Variants in STT3B observed in about 807,000 individuals in gnomAD.
The protein encoded by STT3B is dolichyl-diphosphooligosaccharide--protein glycosyltransferase subunit STT3B.
Under a neutral mutation model 96.8 loss-of-function variants are expected in STT3B, and 29 were observed. The ratio of observed to expected loss-of-function variants is 0.30; its 90% CI spans 0.22 to 0.41. The LOEUF is 0.41. Among genes scored for constraint, STT3B ranks in the 10% least tolerant of loss-of-function variants. The pLI is 1.00. For synonymous variants in STT3B, 367 were observed against 360.0 expected (o/e 1.02, Z -0.22); for missense variants, 640 against 1,022.3 (o/e 0.63, Z 5.10).
chr3:31,536,913 T>C (rs982129775), intron 1 of STT3B, among the ~76,000 whole-genome samples: 5 of 152,262 alleles, frequency 3.3e-5, no homozygotes, highest in African/African-American at 1.2e-4. Flanking sequence ...TTTTACTTTA[T>C]ATTAGCCAGA....
intron 3 of STT3B, among the ~76,000 whole-genome samples, chr3:31,585,571 G>GT (rs1021947370): frequency 5.4e-5 from 8 of 147,120 alleles, no homozygotes; most frequent in Non-Finnish European, 1.0e-4. Context: ...GTTTTGTTTT[G>GT]TTTTTTGTTT....
chr3:31,577,381 T>G (rs887848170), intron 2 of STT3B, among the ~76,000 whole-genome samples: 3 of 152,132 alleles, frequency 2.0e-5, no homozygotes, highest in African/African-American at 7.2e-5. Context: ...ATGTGTAGTA[T>G]TTTCATTATC....
intron 14 of STT3B, among the ~76,000 whole-genome samples, chr3:31,629,724 C>T (rs1043339286): frequency 1.3e-5 from 2 of 152,186 alleles, no homozygotes; most frequent in Admixed American, 1.3e-4. Flanking sequence ...GTTCTCCTAG[C>T]TAGGAAACAG....
Position 31,543,323 on chromosome 3 carries a change from T to C in STT3B, c.314+10011T>C, listed in dbSNP as rs189900001. ...TGCCAAAGTTGGTAAGGTACTGTTA[T>C]GATTATTTAAATTTTGGTGCTCATT... On this transcript the variant is annotated intron_variant, in intron 1 of 15. Coordinates refer to ENST00000295770, the MANE Select transcript of STT3B (RefSeq NM_178862.3). Among the ~76,000 whole-genome samples the C allele has an allele frequency of 4.6e-5, 7 of 152,336 alleles. No homozygotes were observed. In the South Asian group the frequency reaches 8.3e-4, roughly 18 times the overall value.
rs1699475233 is a variant in STT3B, at chr3:31,623,655, A to G, written c.1540-19A>G. 4 of 1,567,406 alleles carry G rather than the reference A, an allele frequency of 2.6e-6. No individual in the cohort carries two copies. Among genetic ancestry groups the G allele is most frequent in the African/African-American group, 1.4e-5 (1 of 73,260 alleles). ...GTCAAATAATGAATTTGTCTAACCA[A>G]TTTTTTTAATATCTTTAGGCAGGTA... On this transcript the variant is annotated intron_variant, in intron 10 of 15. Coordinates refer to ENST00000295770, the MANE Select transcript of STT3B (RefSeq NM_178862.3).
chr3:31,563,710 C>T (rs1697934251), intron 1 of STT3B, among the ~76,000 whole-genome samples: 1 of 152,102 alleles, frequency 6.6e-6, no homozygotes, highest in South Asian at 2.1e-4. Context: ...ATATAATGCC[C>T]CTGTGGCCAG....
intron 1 of STT3B, among the ~76,000 whole-genome samples, chr3:31,572,298 A>G (rs1698178659): frequency 6.7e-6 from 1 of 149,368 alleles, no homozygotes; most frequent in Non-Finnish European, 1.5e-5. Context: ...CTTAGGCCCC[A>G]AACAAACTTC....
intron 5 of STT3B, among the ~76,000 whole-genome samples, chr3:31,608,453 G>A (rs939227190): frequency 6.6e-6 from 1 of 152,174 alleles, no homozygotes; most frequent in Non-Finnish European, 1.5e-5. Flanking sequence ...AGGGAAGATG[G>A]TATTGCTTGC....
chr3:31,572,288 C>G (rs1317563136), intron 1 of STT3B, among the ~76,000 whole-genome samples: 1 of 148,548 alleles, frequency 6.7e-6, no homozygotes, highest in South Asian at 2.1e-4. Flanking sequence ...AGAATTTTCT[C>G]TTAGGCCCCA....
chr3:31,626,558 C>G (rs553132408), intron 13 of STT3B, among the ~76,000 whole-genome samples: 8 of 152,172 alleles, frequency 5.3e-5, no homozygotes, highest in African/African-American at 1.9e-4. Context: ...CAAAAGACTT[C>G]AATAGATTAA....
chr3:31,556,269 T>A (rs1697708799), intron 1 of STT3B, among the ~76,000 whole-genome samples: 1 of 152,214 alleles, frequency 6.6e-6, no homozygotes, highest in Admixed American at 6.5e-5. Context: ...TCCATTGTGC[T>A]TATATACCAC....
chr3:31,626,242 C>T (rs1371836104), intron 13 of STT3B, 115 bp downstream of exon 13: 6 of 950,124 alleles, frequency 6.3e-6, no homozygotes, highest in Non-Finnish European at 9.2e-6. Context: ...CAGATTAGTT[C>T]CTTACCCTGG....
intron 5 of STT3B, among the ~76,000 whole-genome samples, chr3:31,602,180 T>C (rs1050159772): frequency 2.6e-5 from 4 of 152,174 alleles, no homozygotes; most frequent in Non-Finnish European, 4.4e-5. Flanking sequence ...CAAATCTGTG[T>C]GCCTCTCGTT....
chr3:31,622,519 A>G (rs964979255), intron 10 of STT3B, among the ~76,000 whole-genome samples: 3 of 152,166 alleles, frequency 2.0e-5, no homozygotes, highest in Non-Finnish European at 4.4e-5. Context: ...TCAGAGAAGG[A>G]ATTCCTCTTT....
At chr3:31,599,828 T>C (rs1439506390) in intron 4 of STT3B, among the ~76,000 whole-genome samples, 2 of 152,166 alleles carry the variant, frequency 1.3e-5, no homozygotes, top group Non-Finnish European at 2.9e-5. Context: ...TGCTTTGTAA[T>C]CCATTTTTAA....
chr3:31,534,215 A>T, intron 1 of STT3B, among the ~76,000 whole-genome samples: 1 of 152,218 alleles, frequency 6.6e-6, no homozygotes, highest in African/African-American at 2.4e-5. Flanking sequence ...TACCACGGTG[A>T]TGGGAGTCCT....
chr3:31,549,961 A>G (rs1368803802), intron 1 of STT3B, among the ~76,000 whole-genome samples: 1 of 152,072 alleles, frequency 6.6e-6, no homozygotes, highest in Non-Finnish European at 1.5e-5. Context: ...ACTATTTTGT[A>G]TGTGATCTTA....
intron 1 of STT3B, among the ~76,000 whole-genome samples, chr3:31,573,287 G>A (rs1034689542): frequency 6.6e-6 from 1 of 152,138 alleles, no homozygotes; most frequent in African/African-American, 2.4e-5. Flanking sequence ...AATTCAGAGA[G>A]TTGCAATATG....
chr3:31,591,292 T>G (rs1358792386), intron 3 of STT3B, among the ~76,000 whole-genome samples: 1 of 152,130 alleles, frequency 6.6e-6, no homozygotes, highest in African/African-American at 2.4e-5. Flanking sequence ...GATTCCTGTT[T>G]CCATGGCTTA....
Sources: allele counts gnomAD v4.1 joint callset (sites outside exome capture counted in the v4.1 genomes callset), GRCh38; gene constraint gnomAD v4.1.1; transcripts MANE v1.5; gene names NCBI Gene and HGNC (gene_info 2026-07-23, HGNC 2026-07-21).